The following GMDS variants were observed in gnomAD, a reference collection of about 807,000 sequenced individuals.
GMDS encodes the protein GDP-mannose 4,6 dehydratase.
In GMDS, 20 loss-of-function variants were observed where a neutral mutation model predicts 49.9. The observed-to-expected ratio is 0.40, with a 90% CI of 0.28 to 0.58. The LOEUF (loss-of-function observed/expected upper bound fraction) is 0.58, where lower values mean the gene tolerates loss of function less well. GMDS is among the 20% of genes least tolerant of loss of function. The probability of loss-of-function intolerance (pLI) is 0.42; values close to 1 mark genes in which losing one functional copy is unlikely to be tolerated. For missense variants in GMDS, 362 were observed against 481.4 expected, an observed-to-expected ratio of 0.75 and a Z score of 2.32; for synonymous variants, 177 against 178.6, an observed-to-expected ratio of 0.99 and a Z score of 0.07.
At chr6:2,131,326 G>C (rs1775726331) in intron 1 of GMDS, among the ~76,000 whole-genome samples, 1 of 152,182 alleles carries the variant, frequency 6.6e-6, no homozygotes, top group African/African-American at 2.4e-5. Flanking sequence ...GGAAGCAACT[G>C]TTGGTAAGGT....
At chr6:1,989,229 C>A (rs1765769009) in intron 4 of GMDS, among the ~76,000 whole-genome samples, 1 of 152,106 alleles carries the variant, frequency 6.6e-6, no homozygotes, top group Non-Finnish European at 1.5e-5. Flanking sequence ...GTAGATAGGG[C>A]TAAGTACTTT....
At chr6:2,119,844 T>G (rs1169522368) in intron 2 of GMDS, among the ~76,000 whole-genome samples, 1 of 152,214 alleles carries the variant, frequency 6.6e-6, no homozygotes, top group Non-Finnish European at 1.5e-5. Context: ...TTGACAAATT[T>G]CATGTCCCAC....
intron 4 of GMDS, among the ~76,000 whole-genome samples, chr6:2,064,798 G>A (rs999412375): frequency 2.0e-5 from 3 of 152,172 alleles, no homozygotes; most frequent in Non-Finnish European, 2.9e-5. Flanking sequence ...ATTCTTTGGG[G>A]ATGCCACAAT....
chr6:2,032,522 T>C (rs890326483), intron 4 of GMDS, among the ~76,000 whole-genome samples: 1 of 152,172 alleles, frequency 6.6e-6, no homozygotes, highest in Admixed American at 6.5e-5. Context: ...CTTAAATCCC[T>C]TTCAAAATGA....
At chr6:2,096,741 T>G (rs1242435682) in intron 4 of GMDS, among the ~76,000 whole-genome samples, 1 of 152,174 alleles carries the variant, frequency 6.6e-6, no homozygotes, top group African/African-American at 2.4e-5. Context: ...CTATTTGACC[T>G]ATGCCAAAAA....
At chr6:1,782,562 T>C (rs1474352714) in intron 7 of GMDS, among the ~76,000 whole-genome samples, 3 of 152,178 alleles carry the variant, frequency 2.0e-5, no homozygotes, top group Non-Finnish European at 4.4e-5. Context: ...GTATTACCCA[T>C]AGAAGGATGA....
chr6:1,877,456 A>G (rs1759129045), intron 7 of GMDS, among the ~76,000 whole-genome samples: 1 of 151,986 alleles, frequency 6.6e-6, no homozygotes. Context: ...CCTGGGCAAC[A>G]TAGCAAGATC....
At chr6:1,803,975 G>A (rs1313535100) in intron 7 of GMDS, among the ~76,000 whole-genome samples, 1 of 152,174 alleles carries the variant, frequency 6.6e-6, no homozygotes, top group Non-Finnish European at 1.5e-5. Flanking sequence ...TAGTGTCTCT[G>A]AGTTTTAATA....
At chr6:1,925,520 T>C (rs1271109063) in intron 7 of GMDS, among the ~76,000 whole-genome samples, 2 of 152,170 alleles carry the variant, frequency 1.3e-5, no homozygotes, top group East Asian at 3.8e-4. Context: ...AAAATCAAGA[T>C]AAAACAGCTT....
intron 7 of GMDS, among the ~76,000 whole-genome samples, chr6:1,859,138 C>T (rs1758071759): frequency 6.6e-6 from 1 of 152,274 alleles, no homozygotes; most frequent in East Asian, 1.9e-4. Flanking sequence ...AACTGTCTTG[C>T]AGCTCTTGCT....
intron 5 of GMDS, 71 bp downstream of exon 5, chr6:1,960,703 G>C: frequency 9.8e-7 from 1 of 1,015,302 alleles, no homozygotes; most frequent in South Asian, 2.1e-5. Flanking sequence ...CAGAATGAAA[G>C]GAAAAACACA....
At chr6:1,637,751 G>C (rs1763206169) in intron 9 of GMDS, among the ~76,000 whole-genome samples, 1 of 152,206 alleles carries the variant, frequency 6.6e-6, no homozygotes, top group Non-Finnish European at 1.5e-5. Flanking sequence ...TGTTCAGAAT[G>C]GGTTTTTTAC....
intron 9 of GMDS, among the ~76,000 whole-genome samples, chr6:1,670,033 C>T (rs1764366799): frequency 6.6e-6 from 1 of 151,286 alleles, no homozygotes; most frequent in Middle Eastern, 3.2e-3. Flanking sequence ...TGGGTGGGCT[C>T]CATAGGAACA....
intron 4 of GMDS, among the ~76,000 whole-genome samples, chr6:2,049,481 A>C (rs1199765245): frequency 6.6e-6 from 1 of 152,220 alleles, no homozygotes; most frequent in East Asian, 1.9e-4. Flanking sequence ...ACTAAGCAGA[A>C]TAATCTCCCC....
intron 9 of GMDS, among the ~76,000 whole-genome samples, chr6:1,638,705 G>A (rs1179948091): frequency 2.0e-5 from 3 of 152,102 alleles, no homozygotes; most frequent in Admixed American, 6.6e-5. Context: ...TCCCTTCAGA[G>A]CACTCTTTTC....
intron 7 of GMDS, among the ~76,000 whole-genome samples, chr6:1,857,995 C>T (rs754606440): frequency 1.3e-5 from 2 of 152,108 alleles, no homozygotes; most frequent in Non-Finnish European, 2.9e-5. Context: ...TAGAGGAAAG[C>T]GCATATATTT....
intron 1 of GMDS, among the ~76,000 whole-genome samples, chr6:2,203,227 A>G (rs1285181642): frequency 6.6e-6 from 1 of 152,204 alleles, no homozygotes; most frequent in East Asian, 1.9e-4. Context: ...TATTGATTCA[A>G]TGTAGTTTTT....
intron 7 of GMDS, among the ~76,000 whole-genome samples, chr6:1,787,901 G>A (rs1472638391): frequency 6.6e-6 from 1 of 152,172 alleles, no homozygotes; most frequent in Non-Finnish European, 1.5e-5. Context: ...ACTGAAATGT[G>A]GACCTCCGCC....
chr6:2,186,918 C>T (rs1263261563), intron 1 of GMDS, among the ~76,000 whole-genome samples: 1 of 152,166 alleles, frequency 6.6e-6, no homozygotes. Context: ...AAGCTTTATA[C>T]TTTCGATAAA....
Sources: gnomAD v4.1 joint callset for allele counts (sites outside exome capture counted in the v4.1 genomes callset) on GRCh38, gnomAD v4.1.1 for gene constraint, MANE v1.5 for transcripts, NCBI Gene and HGNC (gene_info 2026-07-23, HGNC 2026-07-21) for gene names.